The following TAFA1 variants were observed in gnomAD, a reference collection of about 807,000 sequenced individuals.
TAFA1 encodes TAFA chemokine like family member 1, also known as chemokine-like protein TAFA-1.
TAFA1 carries 4 observed loss-of-function variants against 18.5 expected under a neutral mutation model. The observed-to-expected ratio is 0.22, with a 90% CI of 0.11 to 0.49. TAFA1 has a LOEUF of 0.49. Ranked by LOEUF, TAFA1 falls within the 20% of genes least tolerant of loss-of-function variation. TAFA1 has a pLI of 0.98. For synonymous variants in TAFA1, 56 were observed against 55.2 expected, an observed-to-expected ratio of 1.01 and a Z score of -0.06; for missense variants, 147 against 169.0, an observed-to-expected ratio of 0.87 and a Z score of 0.72.
At chr3:68,434,112 C>T (rs1193613676) in intron 3 of TAFA1, among the ~76,000 whole-genome samples, 4 of 152,116 alleles carry the variant, frequency 2.6e-5, no homozygotes, top group Non-Finnish European at 5.9e-5. Flanking sequence ...ATAGAGGCTA[C>T]AATAATCTCT....
chr3:68,537,469 A>G (rs2073294238), intron 3 of TAFA1, among the ~76,000 whole-genome samples: 1 of 152,154 alleles, frequency 6.6e-6, no homozygotes. Flanking sequence ...AGGGAGAGAA[A>G]AGGAGGCCTG....
At chr3:68,248,035 G>A (rs2067116940) in intron 2 of TAFA1, among the ~76,000 whole-genome samples, 1 of 152,196 alleles carries the variant, frequency 6.6e-6, no homozygotes, top group South Asian at 2.1e-4. Context: ...AGAATTAGGT[G>A]TGACCTCACT....
chr3:68,258,816 A>T (rs532809353), intron 2 of TAFA1, among the ~76,000 whole-genome samples: 1 of 152,210 alleles, frequency 6.6e-6, no homozygotes, highest in Non-Finnish European at 1.5e-5. Flanking sequence ...ACTGAACTCT[A>T]TCAGAAATAT....
chr3:68,247,516 AG>A (rs1239387576), intron 2 of TAFA1: 6 of 152,078 alleles, frequency 3.9e-5, no homozygotes, highest in Admixed American at 3.9e-4. Flanking sequence ...AGGGGCCTGG[AG>A]GTGACAGGCT....
At chr3:68,421,890 T>C (rs2070961514) in intron 3 of TAFA1, among the ~76,000 whole-genome samples, 1 of 152,138 alleles carries the variant, frequency 6.6e-6, no homozygotes, top group Non-Finnish European at 1.5e-5. Flanking sequence ...CATCATCTTT[T>C]CTTAGAAATG....
chr3:68,218,104 T>C (rs544514934), intron 2 of TAFA1, among the ~76,000 whole-genome samples: 15 of 152,118 alleles, frequency 9.9e-5, no homozygotes, highest in African/African-American at 2.9e-4. Flanking sequence ...GCATCCCACA[T>C]GATTTGATGT....
intron 2 of TAFA1, among the ~76,000 whole-genome samples, chr3:68,388,265 A>G (rs1364651134): frequency 1.3e-5 from 2 of 152,186 alleles, no homozygotes; most frequent in Non-Finnish European, 2.9e-5. Flanking sequence ...ATGTTTATAA[A>G]AAGGTAGTAT....
chr3:68,273,078 C>T (rs1029311957), intron 2 of TAFA1, among the ~76,000 whole-genome samples: 1 of 151,748 alleles, frequency 6.6e-6, no homozygotes, highest in Non-Finnish European at 1.5e-5. Flanking sequence ...ATGCCACAGG[C>T]TATGAAAAAA....
chr3:68,248,762 A>C, intron 2 of TAFA1, among the ~76,000 whole-genome samples: 2 of 145,934 alleles, frequency 1.4e-5, no homozygotes, highest in African/African-American at 2.5e-5. Flanking sequence ...GGGGTGGGGT[A>C]GGGAGGGTAG....
chr3:68,128,715 G>C (rs1206142089), intron 2 of TAFA1, among the ~76,000 whole-genome samples: 1 of 152,132 alleles, frequency 6.6e-6, no homozygotes, highest in Non-Finnish European at 1.5e-5. Context: ...AGGACTCTGG[G>C]AATCATTTAG....
chr3:68,539,378 G>A (rs1018197159), intron 4 of TAFA1, among the ~76,000 whole-genome samples: 8 of 152,066 alleles, frequency 5.3e-5, no homozygotes, highest in Admixed American at 3.9e-4. Flanking sequence ...TAAATCAGGA[G>A]TGATCTTCTA....
intron 3 of TAFA1, among the ~76,000 whole-genome samples, chr3:68,433,111 GCACA>G (rs964418007): frequency 4.8e-4 from 73 of 152,120 alleles, no homozygotes; most frequent in African/African-American, 1.8e-3. Flanking sequence ...TGAAAATGGA[GCACA>G]CATTTCCACC....
intron 2 of TAFA1, among the ~76,000 whole-genome samples, chr3:68,113,112 ACT>A (rs2065280132): frequency 6.6e-6 from 1 of 152,160 alleles, no homozygotes; most frequent in African/African-American, 2.4e-5. Flanking sequence ...TAATCAAGAC[ACT>A]CTTGAAAATC....
intron 2 of TAFA1, among the ~76,000 whole-genome samples, chr3:68,147,960 G>A (rs2065762805): frequency 6.6e-6 from 1 of 152,152 alleles, no homozygotes; most frequent in African/African-American, 2.4e-5. Flanking sequence ...CAATTTCTGA[G>A]AAATAAATCA....
At chr3:68,375,267 C>T (rs954405583) in intron 2 of TAFA1, among the ~76,000 whole-genome samples, 3 of 152,128 alleles carry the variant, frequency 2.0e-5, no homozygotes, top group Admixed American at 6.6e-5. Flanking sequence ...GTATCCCACT[C>T]CAGACAGTGG....
intron 3 of TAFA1, among the ~76,000 whole-genome samples, chr3:68,491,128 T>G (rs1321741565): frequency 6.6e-6 from 1 of 152,196 alleles, no homozygotes; most frequent in East Asian, 1.9e-4. Flanking sequence ...CATGACCCAC[T>G]GCAGCTGGCC....
intron 2 of TAFA1, among the ~76,000 whole-genome samples, chr3:68,269,320 G>A (rs1055278453): frequency 2.0e-5 from 3 of 151,878 alleles, no homozygotes; most frequent in Admixed American, 6.6e-5. Flanking sequence ...GCTAGGCATA[G>A]TGGCACATGC....
intron 2 of TAFA1, among the ~76,000 whole-genome samples, chr3:68,065,861 C>T (rs1033833250): frequency 5.9e-5 from 9 of 151,398 alleles, no homozygotes; most frequent in Admixed American, 3.3e-4. Flanking sequence ...TGTTCATTGA[C>T]AGGTAGATAG....
intron 2 of TAFA1, among the ~76,000 whole-genome samples, chr3:68,302,873 G>T (rs749827677): frequency 1.3e-5 from 2 of 152,082 alleles, no homozygotes; most frequent in Non-Finnish European, 2.9e-5. Context: ...TCAAAATAAG[G>T]GTTCTAGAGC....
Sources: gnomAD v4.1 joint callset for allele counts (sites outside exome capture counted in the v4.1 genomes callset) on GRCh38, gnomAD v4.1.1 for gene constraint, MANE v1.5 for transcripts, NCBI Gene and HGNC (gene_info 2026-07-23, HGNC 2026-07-21) for gene names.